Variants in STK3 observed in about 807,000 individuals in gnomAD.
STK3 encodes serine/threonine kinase 3.
In STK3, 41 loss-of-function variants were observed where a neutral mutation model predicts 58.0. That is an observed-to-expected ratio of 0.71 (90% CI 0.55 to 0.92). The LOEUF is 0.92. STK3 is among the 40% of genes least tolerant of loss of function. The probability of loss-of-function intolerance (pLI) is 0.00; values close to 1 mark genes in which losing one functional copy is unlikely to be tolerated. For synonymous variants in STK3, 170 were observed against 191.0 expected (o/e 0.89, Z 0.91); for missense variants, 479 against 602.7 (o/e 0.79, Z 2.15).
In STK3 at chr8:98,426,671, C is replaced by T. The variant is rs1240081233; in HGVS notation, n.483+7456G>A. Among the ~76,000 whole-genome samples the T allele has an allele frequency of 2.0e-5, 3 of 152,346 alleles. No homozygotes were observed. The South Asian group carries it at 6.2e-4, about 32-fold the overall frequency. On this transcript the variant is annotated intron_variant and non_coding_transcript_variant, in intron 3 of 3. Coordinates refer to the STK3 transcript ENST00000517832. ...GGAGTTCCTCCGGTCCCGCCCTGTC[C>T]CCGGACACGCGCAAGCCGCCCTTTA... is the stretch of plus-strand genomic sequence containing the variant.
At chr8:98,842,771 C>T (rs1587736929) in intron 3 of STK3, among the ~76,000 whole-genome samples, 1 of 152,164 alleles carries the variant, frequency 6.6e-6, no homozygotes, top group East Asian at 1.9e-4. Flanking sequence ...TAGGCCGAGG[C>T]AGGTGGATTG....
intron 10 of STK3, among the ~76,000 whole-genome samples, chr8:98,470,365 T>C (rs1820825901): frequency 1.3e-5 from 2 of 152,230 alleles, no homozygotes. Context: ...AGGTCCACCC[T>C]AGCCCTGCCA....
At chr8:98,493,569 C>A (rs1159269756) in intron 10 of STK3, among the ~76,000 whole-genome samples, 1 of 152,168 alleles carries the variant, frequency 6.6e-6, no homozygotes, top group Non-Finnish European at 1.5e-5. Flanking sequence ...GTTCTCCTCC[C>A]TCAGTATCTA....
intron 3 of STK3, among the ~76,000 whole-genome samples, chr8:98,404,692 A>AAAAT (rs1198611850): frequency 2.0e-5 from 3 of 150,990 alleles, no homozygotes; most frequent in African/African-American, 7.3e-5. Flanking sequence ...AAAAAAAAAA[A>AAAAT]AAAAAAAATT....
At chr8:98,908,882 G>T (rs1839023886) in intron 1 of STK3, among the ~76,000 whole-genome samples, 1 of 150,528 alleles carries the variant, frequency 6.6e-6, no homozygotes, top group Admixed American at 6.6e-5. Context: ...AAGGCTGGGA[G>T]AGGTGGCTCA....
chr8:98,363,931 T>C, the STK3 span, among the ~76,000 whole-genome samples: 1 of 152,076 alleles, frequency 6.6e-6, no homozygotes, highest in Non-Finnish European at 1.5e-5. Context: ...CCAGGCAGGA[T>C]GGGAGGGGAG....
chr8:98,700,509 C>T (rs1825487738), intron 6 of STK3, among the ~76,000 whole-genome samples: 1 of 152,228 alleles, frequency 6.6e-6, no homozygotes, highest in Non-Finnish European at 1.5e-5. Flanking sequence ...GCCATCTTGG[C>T]TGCTTCCCCA....
chr8:98,591,423 A>G (rs989528605), intron 7 of STK3, among the ~76,000 whole-genome samples: 20 of 152,220 alleles, frequency 1.3e-4, no homozygotes, highest in African/African-American at 4.3e-4. Context: ...TTGACTTACA[A>G]TATTTTAAAC....
chr8:98,830,359 G>T (rs1835479372), upstream of STK3, among the ~76,000 whole-genome samples: 1 of 152,162 alleles, frequency 6.6e-6, no homozygotes, highest in Admixed American at 6.5e-5. Context: ...GCATGAATGT[G>T]AGGCCAAGGG....
chr8:98,568,479 T>C (rs1328325386), intron 8 of STK3, among the ~76,000 whole-genome samples: 1 of 152,178 alleles, frequency 6.6e-6, no homozygotes, highest in Non-Finnish European at 1.5e-5. Flanking sequence ...TAACATCTTT[T>C]ACAGCAAAAT....
intron 1 of STK3, among the ~76,000 whole-genome samples, chr8:98,776,090 ATAATGCT>A (rs1831657959): frequency 6.6e-6 from 1 of 152,254 alleles, no homozygotes; most frequent in Non-Finnish European, 1.5e-5. Context: ...GAACAAGTCT[ATAATGCT>A]GATGAAACAT....
At chr8:98,586,308 G>C (rs1190244659) in intron 7 of STK3, among the ~76,000 whole-genome samples, 6 of 152,072 alleles carry the variant, frequency 3.9e-5, no homozygotes, top group Admixed American at 3.3e-4. Context: ...TAGCATGAAG[G>C]GTGGTTGAAT....
chr8:98,845,603 T>C (rs1836171464), intron 3 of STK3, among the ~76,000 whole-genome samples: 1 of 152,212 alleles, frequency 6.6e-6, no homozygotes, highest in South Asian at 2.1e-4. Flanking sequence ...ACTTGGAAGT[T>C]TTCTCATATG....
chr8:98,615,002 G>A (rs190080121), intron 6 of STK3, among the ~76,000 whole-genome samples: 9 of 152,328 alleles, frequency 5.9e-5, no homozygotes, highest in East Asian at 5.8e-4. Context: ...TCCACGTCTA[G>A]GGGCAGGGCA....
intron 1 of STK3, among the ~76,000 whole-genome samples, chr8:98,384,496 T>G (rs112995984): frequency 2.0e-5 from 3 of 152,364 alleles, no homozygotes; most frequent in African/African-American, 7.2e-5. Flanking sequence ...CAACTCACTG[T>G]CAAGACCTTC....
chr8:98,447,782 G>C (rs999050184), intron 1 of STK3, among the ~76,000 whole-genome samples: 1 of 147,838 alleles, frequency 6.8e-6, no homozygotes, highest in African/African-American at 2.5e-5. Flanking sequence ...ATATATGTTT[G>C]CTATCATTGC....
At chr8:98,344,709 C>T in the STK3 span, among the ~76,000 whole-genome samples, 3 of 151,306 alleles carry the variant, frequency 2.0e-5, no homozygotes, top group East Asian at 3.9e-4. Context: ...CCGGCTAAAA[C>T]GGTGAAACCC....
At position 98,616,948 on chromosome 8, in the gene STK3, C is replaced by T. The variant is rs886117703; in HGVS notation, c.685-20779G>A. ...GATACCCAGGAATTTAACTCATCTCCGCACCAAGCGGACCTAATAGACATC... is the reference window on the plus strand; with the variant it reads ...GATACCCAGGAATTTAACTCATCTCTGCACCAAGCGGACCTAATAGACATC... On this transcript the variant is annotated intron_variant, in intron 6 of 10. Transcript: ENST00000419617. 4.9e-4 allele frequency among the ~76,000 whole-genome samples: 74 copies of T among 152,204 alleles called. 1 individual carries two copies. The highest frequency in any genetic ancestry group is 6.8e-3 in the Middle Eastern group (2 of 294).
intron 10 of STK3, among the ~76,000 whole-genome samples, chr8:98,506,239 G>A (rs983654385): frequency 6.6e-6 from 1 of 152,230 alleles, no homozygotes; most frequent in Non-Finnish European, 1.5e-5. Flanking sequence ...TGTGCCTTCT[G>A]CTAAGACCAC....
Sources: allele counts gnomAD v4.1 joint callset (sites outside exome capture counted in the v4.1 genomes callset), GRCh38; gene constraint gnomAD v4.1.1; transcripts MANE v1.5; gene names NCBI Gene and HGNC (gene_info 2026-07-23, HGNC 2026-07-21).